Variants in CSMD1 observed in about 807,000 individuals in gnomAD.
The protein encoded by CSMD1 is CUB and Sushi multiple domains 1.
CSMD1 carries 213 observed loss-of-function variants against 417.5 expected under a neutral mutation model. The observed-to-expected ratio is 0.51, with a 90% CI of 0.46 to 0.57. CSMD1 has a LOEUF of 0.57. CSMD1 is among the 20% of genes least tolerant of loss of function. The pLI, the probability that CSMD1 is intolerant of heterozygous loss-of-function variation, is 0.00. For synonymous variants in CSMD1, 2,862 were observed against 1,736.8 expected (o/e 1.65, Z -16.11); for missense variants, 6,923 against 4,529.7 (o/e 1.53, Z -15.17).
intron 10 of CSMD1, among the ~76,000 whole-genome samples, chr8:3,519,187 GATTA>G (rs1399792253): frequency 1.3e-5 from 2 of 152,088 alleles, no homozygotes; most frequent in South Asian, 4.1e-4. Flanking sequence ...CTGAACACGT[GATTA>G]ATTATCACTG....
At chr8:3,501,987 T>C (rs1212942665) in intron 10 of CSMD1, among the ~76,000 whole-genome samples, 1 of 152,154 alleles carries the variant, frequency 6.6e-6, no homozygotes, top group Admixed American at 6.5e-5. Flanking sequence ...TGCAAAATGG[T>C]ACAGTCACTT....
chr8:4,026,287 A>T (rs1434490894), intron 4 of CSMD1, among the ~76,000 whole-genome samples: 2 of 152,206 alleles, frequency 1.3e-5, no homozygotes, highest in African/African-American at 2.4e-5. Flanking sequence ...TTGAAGTCAT[A>T]CTACACCAGA....
chr8:3,348,431 T>G (rs902070549), intron 21 of CSMD1, among the ~76,000 whole-genome samples: 6 of 152,206 alleles, frequency 3.9e-5, no homozygotes, highest in African/African-American at 1.2e-4. Context: ...CAGAGAGTTC[T>G]AGAATAAAAC....
At chr8:3,938,211 C>T (rs1377737187) in intron 5 of CSMD1, among the ~76,000 whole-genome samples, 1 of 151,998 alleles carries the variant, frequency 6.6e-6, no homozygotes, top group East Asian at 1.9e-4. Context: ...GGGTAACATC[C>T]AGTCACTGAT....
intron 7 of CSMD1, among the ~76,000 whole-genome samples, chr8:3,676,735 A>G (rs1799394915): frequency 6.6e-6 from 1 of 152,176 alleles, no homozygotes; most frequent in South Asian, 2.1e-4. Context: ...TGAAATACGT[A>G]TATAATAAAC....
chr8:3,465,918 G>A (rs963933663), intron 12 of CSMD1, among the ~76,000 whole-genome samples: 25 of 152,288 alleles, frequency 1.6e-4, no homozygotes, highest in African/African-American at 5.8e-4. Context: ...AATGTCGAGA[G>A]CTGTTGCCTC....
intron 4 of CSMD1, among the ~76,000 whole-genome samples, chr8:4,004,798 G>A (rs973921554): frequency 1.1e-4 from 16 of 152,252 alleles, no homozygotes; most frequent in African/African-American, 3.6e-4. Context: ...AGGCTGGAGT[G>A]CAGTGGCGCG....
chr8:3,179,756 CAG>C (rs1248746011), intron 37 of CSMD1, among the ~76,000 whole-genome samples: 3 of 152,272 alleles, frequency 2.0e-5, no homozygotes, highest in Admixed American at 6.5e-5. Context: ...TTTCTATCTA[CAG>C]AGAGTCACAA....
At chr8:3,687,271 CA>C (rs985247900) in intron 7 of CSMD1, among the ~76,000 whole-genome samples, 1 of 152,106 alleles carries the variant, frequency 6.6e-6, no homozygotes, top group African/African-American at 2.4e-5. Flanking sequence ...TTTCCAGGAC[CA>C]AAAAAGTCTG....
intron 1 of CSMD1, among the ~76,000 whole-genome samples, chr8:4,882,163 T>TC (rs1359174238): frequency 6.6e-6 from 1 of 152,058 alleles, no homozygotes; most frequent in Admixed American, 6.6e-5. Context: ...GTGCTGGAAA[T>TC]CCCAGTCTCC....
chr8:4,345,093 A>G (rs1800704366), intron 3 of CSMD1, among the ~76,000 whole-genome samples: 1 of 152,160 alleles, frequency 6.6e-6, no homozygotes, highest in African/African-American at 2.4e-5. Flanking sequence ...AAGAGGAGAA[A>G]TGATGGGGCA....
At chr8:3,128,633 CA>C (rs1438308434) in intron 41 of CSMD1, 1 of 297,062 alleles carries the variant, frequency 3.4e-6, no homozygotes, top group Non-Finnish European at 6.6e-6. Context: ...TATAAAATGG[CA>C]AACACTGACA....
intron 3 of CSMD1, among the ~76,000 whole-genome samples, chr8:4,315,793 G>A (rs1053244189): frequency 9.6e-6 from 1 of 104,064 alleles, no homozygotes; most frequent in African/African-American, 2.6e-5. Flanking sequence ...TTTGCATAAA[G>A]TAATTCAAAC....
intron 3 of CSMD1, among the ~76,000 whole-genome samples, chr8:4,336,423 G>A (rs1426662459): frequency 6.6e-6 from 1 of 152,092 alleles, no homozygotes; most frequent in African/African-American, 2.4e-5. Context: ...TGACCCTAAG[G>A]CCCCCGGTCA....
intron 5 of CSMD1, among the ~76,000 whole-genome samples, chr8:3,955,805 T>C (rs1424155328): frequency 3.3e-5 from 5 of 152,206 alleles, no homozygotes; most frequent in Non-Finnish European, 7.3e-5. Flanking sequence ...ATCATATCTC[T>C]GGTTGATTAA....
At chr8:4,201,079 T>G (rs1011288505) in intron 3 of CSMD1, among the ~76,000 whole-genome samples, 1 of 152,178 alleles carries the variant, frequency 6.6e-6, no homozygotes. Flanking sequence ...CTAGATAACC[T>G]TGGGCCAATG....
chr8:3,087,856 G>T (rs761135153), intron 48 of CSMD1, among the ~76,000 whole-genome samples: 2 of 152,210 alleles, frequency 1.3e-5, no homozygotes, highest in Non-Finnish European at 2.9e-5. Flanking sequence ...AAGTGATAGG[G>T]TACTGCACAA....
chr8:4,399,185 A>T (rs1866273), intron 3 of CSMD1, among the ~76,000 whole-genome samples: 104,616 of 152,014 alleles, frequency 0.69, 36,173 homozygotes, highest in Middle Eastern at 0.79. Context: ...AATAAAGATG[A>T]TCCTAGCCTG....
intron 1 of CSMD1, among the ~76,000 whole-genome samples, chr8:4,916,464 G>A (rs1320692263): frequency 1.3e-5 from 2 of 152,206 alleles, no homozygotes; most frequent in Admixed American, 6.5e-5. Context: ...AGGGAAGATG[G>A]TTTTGTTCAA....
Sources: gnomAD v4.1 joint callset for allele counts (sites outside exome capture counted in the v4.1 genomes callset) on GRCh38, gnomAD v4.1.1 for gene constraint, MANE v1.5 for transcripts, NCBI Gene and HGNC (gene_info 2026-07-23, HGNC 2026-07-21) for gene names.